The following TECPR2 variants were observed in gnomAD, a reference collection of about 807,000 sequenced individuals.
TECPR2 encodes the protein tectonin beta-propeller repeat containing 2, also known as tectonin beta-propeller repeat-containing protein 2.
A neutral mutation model predicts 138.1 loss-of-function variants in TECPR2; 65 were observed. The ratio of observed to expected loss-of-function variants is 0.47; its 90% confidence interval spans 0.39 to 0.58. The LOEUF (loss-of-function observed/expected upper bound fraction) is 0.58. TECPR2 is among the 20% of genes least tolerant of loss of function. The pLI is 0.00. For synonymous variants in TECPR2, 746 were observed against 749.8 expected, an observed-to-expected ratio of 0.99 and a Z score of 0.08; for missense variants, 1,553 against 1,824.5, an observed-to-expected ratio of 0.85 and a Z score of 2.71.
intron 4 of TECPR2, among the ~76,000 whole-genome samples, chr14:102,410,489 T>TAAAAAAA (rs1386155351): frequency 5.1e-5 from 6 of 117,790 alleles, no homozygotes; most frequent in Non-Finnish European, 1.1e-4. Flanking sequence ...AAATAAAAAA[T>TAAAAAAA]AAAAAATAAA....
At chr14:102,388,892 C>T (rs1351809903) in intron 2 of TECPR2, among the ~76,000 whole-genome samples, 36 of 147,026 alleles carry the variant, frequency 2.4e-4, no homozygotes, top group South Asian at 6.5e-4. Context: ...ATCCAGGAGG[C>T]GGAGCTTGCA....
Position 102,408,568 on chromosome 14 carries a change from C to T in TECPR2, c.429C>T (p.Phe143=), listed in dbSNP as rs780166230. 3 of 1,613,326 alleles carry T rather than the reference C, an allele frequency of 1.9e-6. No homozygotes were observed. Among genetic ancestry groups the T allele is most frequent in the Non-Finnish European group, 2.5e-6 (3 of 1,179,830 alleles). ...LAWSPNGMKL[F]SGDDKGKIVY... ...GGAGCCCCAATGGAATGAAATTGTT[C>T]TCTGGAGATGACAAAGGCAAAATTG... is the stretch of plus-strand genomic sequence containing the variant. Residue 143 remains phenylalanine (F), a synonymous_variant, in exon 4 of 20, where the codon TTC becomes TTT. Coordinates refer to ENST00000359520, the MANE Select transcript of TECPR2 (RefSeq NM_014844.5).
rs1314137803 is a variant in TECPR2, at chr14:102,502,328, AGAG to A, written c.*4073_*4075del. On this transcript the variant is annotated 3_prime_UTR_variant, in exon 20 of 20. Coordinates refer to ENST00000359520, the MANE Select transcript of TECPR2 (RefSeq NM_014844.5). ...TTTTTCATAACTCCGGGGAGGAGCA[AGAG>A]GGGTGAAAAGAAACAAGTTCTCTAC... 1.3e-5 allele frequency: 2 copies of A among 152,650 alleles called. No homozygotes were observed. Among genetic ancestry groups the A allele is most frequent in the Non-Finnish European group, 2.9e-5 (2 of 68,044 alleles). 9.5% of individuals were successfully genotyped at this position (152,650 alleles called of 1,614,324 possible). A position where few individuals can be genotyped will look rare whatever the true frequency, so the allele number is the denominator to read the frequency against.
Position 102,498,859 on chromosome 14 carries a change from A to T in TECPR2, c.*602A>T. 1 of 649,698 alleles carries T rather than the reference A, an allele frequency of 1.5e-6. No individual in the cohort carries two copies. The highest frequency in any genetic ancestry group is 3.0e-5 in the East Asian group (1 of 33,180). 40.2% of individuals were successfully genotyped at this position (649,698 alleles called of 1,614,324 possible). A position where few individuals can be genotyped will look rare whatever the true frequency, so the allele number is the denominator to read the frequency against. ...CAGGAGAGAACCCACGCACATGCAC[A>T]CCACAACACACAACACACCTCACCT... On this transcript the variant is annotated 3_prime_UTR_variant, in exon 20 of 20. Coordinates refer to ENST00000359520, the MANE Select transcript of TECPR2 (RefSeq NM_014844.5).
chr14:102,404,238 A>C (rs1888584953), intron 2 of TECPR2, among the ~76,000 whole-genome samples: 1 of 151,924 alleles, frequency 6.6e-6, no homozygotes, highest in South Asian at 2.1e-4. Context: ...ATACCACCCA[A>C]AGTAATTTAT....
intron 16 of TECPR2, among the ~76,000 whole-genome samples, chr14:102,464,412 A>G (rs1890497085): frequency 6.6e-6 from 1 of 151,570 alleles, no homozygotes; most frequent in East Asian, 1.9e-4. Flanking sequence ...TGTTTTTTTG[A>G]GATGGGGCCT....
intron 1 of TECPR2, among the ~76,000 whole-genome samples, chr14:102,366,495 C>T (rs1014357180): frequency 1.3e-5 from 2 of 151,998 alleles, no homozygotes; most frequent in East Asian, 1.9e-4. Context: ...TACAGGTGTG[C>T]GCCACCACAC....
At chr14:102,407,221 G>A in intron 2 of TECPR2, 117 bp from the exon 3 acceptor site, 1 of 1,319,968 alleles carries the variant, frequency 7.6e-7, no homozygotes, top group Non-Finnish European at 1.0e-6. Context: ...TTTCAATCAA[G>A]AATATGTATG....
intron 1 of TECPR2, among the ~76,000 whole-genome samples, chr14:102,376,154 C>T (rs2060220143): frequency 2.6e-5 from 4 of 152,160 alleles, no homozygotes; most frequent in Admixed American, 2.6e-4. Flanking sequence ...CTGAGATTGG[C>T]CCACTATTCT....
intron 6 of TECPR2, 124 bp downstream of exon 6, chr14:102,425,415 T>C: frequency 1.0e-6 from 1 of 990,316 alleles, no homozygotes; most frequent in East Asian, 2.9e-5. Flanking sequence ...CTTTACTTTT[T>C]CCTTTGGGCC....
At chr14:102,374,747 T>C (rs1887599402) in intron 1 of TECPR2, among the ~76,000 whole-genome samples, 1 of 152,262 alleles carries the variant, frequency 6.6e-6, no homozygotes, top group Non-Finnish European at 1.5e-5. Context: ...CCCAGGCTGG[T>C]TGTGAACTCC....
At position 102,437,697 on chromosome 14, in the gene TECPR2, G is replaced by A. The variant is rs946915664; in HGVS notation, c.2395-325G>A. 1.6e-4 allele frequency among the ~76,000 whole-genome samples: 25 copies of A among 152,296 alleles called. 1 individual carries two copies. Among genetic ancestry groups the A allele is most frequent in the African/African-American group, 5.1e-4 (21 of 41,548 alleles). ...AACCTGGCTCTTTGTGTAAGGTGAG[G>A]TATGCCTGCAGAATAATAGCAGCTC... is the stretch of plus-strand genomic sequence containing the variant. On this transcript the variant is annotated intron_variant, in intron 9 of 19. Coordinates refer to ENST00000359520, the MANE Select transcript of TECPR2 (RefSeq NM_014844.5).
chr14:102,466,226 C>T (rs1044889590), intron 17 of TECPR2, among the ~76,000 whole-genome samples: 5 of 152,256 alleles, frequency 3.3e-5, no homozygotes, highest in South Asian at 2.1e-4. Flanking sequence ...AATCAGCATT[C>T]GGCTCCAGAG....
chr14:102,373,879 G>C (rs1203927289), intron 1 of TECPR2, among the ~76,000 whole-genome samples: 1 of 151,912 alleles, frequency 6.6e-6, no homozygotes, highest in Non-Finnish European at 1.5e-5. Flanking sequence ...AGGAGTTCGA[G>C]ACCAGCCTGG....
intron 7 of TECPR2, among the ~76,000 whole-genome samples, chr14:102,431,547 T>C (rs1889482764): frequency 6.6e-6 from 1 of 152,124 alleles, no homozygotes. Flanking sequence ...TTTCACTGTG[T>C]TAGCCAGGAT....
At chr14:102,372,739 G>A (rs1887538298) in intron 1 of TECPR2, among the ~76,000 whole-genome samples, 1 of 151,992 alleles carries the variant, frequency 6.6e-6, no homozygotes, top group South Asian at 2.1e-4. Context: ...GATCAACATG[G>A]TGAAACCCCA....
At chr14:102,409,573 A>G (rs1888764598) in intron 4 of TECPR2, among the ~76,000 whole-genome samples, 1 of 152,226 alleles carries the variant, frequency 6.6e-6, no homozygotes, top group Non-Finnish European at 1.5e-5. Flanking sequence ...TGCTGGGATT[A>G]CAGGCGTGAG....
At chr14:102,391,518 T>C (rs962501453) in intron 2 of TECPR2, among the ~76,000 whole-genome samples, 16 of 152,194 alleles carry the variant, frequency 1.1e-4, no homozygotes, top group Non-Finnish European at 2.2e-4. Context: ...TAATGGTCCC[T>C]TTCCCAAGCT....
intron 17 of TECPR2, among the ~76,000 whole-genome samples, chr14:102,468,925 A>G (rs945781881): frequency 9.2e-5 from 14 of 152,238 alleles, no homozygotes; most frequent in Non-Finnish European, 2.1e-4. Context: ...GTAAATATAA[A>G]GGTTTGCTAC....
Sources: allele counts gnomAD v4.1 joint callset (sites outside exome capture counted in the v4.1 genomes callset), GRCh38; gene constraint gnomAD v4.1.1; transcripts MANE v1.5; gene names NCBI Gene and HGNC (gene_info 2026-07-23, HGNC 2026-07-21).